The following OR2B6 variants were observed in gnomAD, a reference collection of about 807,000 sequenced individuals.
OR2B6 encodes olfactory receptor 2B6.
For synonymous variants in OR2B6, 130 were observed against 142.7 expected, an observed-to-expected ratio of 0.91 and a Z score of 0.63; for missense variants, 350 against 368.9, an observed-to-expected ratio of 0.95 and a Z score of 0.42.
Position 27,957,674 on chromosome 6 carries a change from C to T in OR2B6, c.434C>T (p.Ala145Val). Residue 145 changes from alanine (A) to valine (V), a missense_variant, in exon 1 of 1, where the codon GCA (alanine) becomes GTA (valine). By Grantham distance (64) the Ala-to-Val change is moderately conservative. Transcript: ENST00000244623. Reference protein sequence around the residue: ...IMHQRLCLQLAAASWVTGFSN... With the variant: ...IMHQRLCLQLVAASWVTGFSN... ...CACCAGAGACTCTGCCTCCAGTTGG[C>T]AGCTGCATCCTGGGTTACTGGTTTT... 1 of 1,614,066 alleles carries T rather than the reference C, an allele frequency of 6.2e-7. No individual in the cohort carries two copies. The highest frequency in any genetic ancestry group is 8.5e-7 in the Non-Finnish European group (1 of 1,179,994).
rs1406245494 is a variant in OR2B6, at chr6:27,958,114, C to T, written c.874C>T (p.Leu292Phe). Residue 292 changes from leucine (L) to phenylalanine (F), a missense_variant, in exon 1 of 1, where the codon CTT becomes TTT. Coordinates refer to ENST00000244623, the MANE Select transcript of OR2B6 (RefSeq NM_012367.1). Reference protein sequence around the residue: ...APMLNPLIYTLRNKEVKEGFK... With the variant: ...APMLNPLIYTFRNKEVKEGFK... ...CATGCTGAATCCCCTTATATATACA[C>T]TTAGGAACAAGGAGGTAAAGGAAGG... 4 of 1,613,738 alleles carry T rather than the reference C, an allele frequency of 2.5e-6. No homozygotes were observed. Among genetic ancestry groups the T allele is most frequent in the Admixed American group, 1.7e-5 (1 of 59,950 alleles).
Position 27,958,034 on chromosome 6 carries a change from C to T in OR2B6, c.794C>T (p.Pro265Leu). 3 of 1,613,952 alleles carry T rather than the reference C, an allele frequency of 1.9e-6. No individual in the cohort carries two copies. The highest frequency in any genetic ancestry group is 2.5e-6 in the Non-Finnish European group (3 of 1,179,948). Reference sequence around the variant, plus strand: ...TCTGTGTACCTGCAACCACCTTCGCCCAGCTCCAAGGACCAAGGAAAGATG... The same window carrying T: ...TCTGTGTACCTGCAACCACCTTCGCTCAGCTCCAAGGACCAAGGAAAGATG... ...AVSVYLQPPS[P>L]SSKDQGKMVS... Residue 265 changes from proline (P) to leucine (L), a missense_variant, in exon 1 of 1, where the codon CCC (proline) becomes CTC (leucine). Coordinates refer to ENST00000244623, the MANE Select transcript of OR2B6 (RefSeq NM_012367.1).
rs759984711 is a variant in OR2B6 at position 27,957,500 on chromosome 6, G to T, written c.260G>T (p.Ser87Ile). The change falls in exon 1 of 1, where the codon AGC (serine) becomes ATC (isoleucine). Residue 87 changes from serine (S) to isoleucine (I), a missense_variant. Transcript: ENST00000244623. ...TVPQMLVNLC[S>I]IRKVISYRGC... The stretch of plus-strand genomic sequence containing the variant: ...CCACAAATGCTAGTAAATTTATGCA[G>T]CATCAGGAAAGTAATCAGTTATCGT... 1.9e-6 allele frequency: 3 copies of T among 1,613,956 alleles called. No homozygotes were observed. The highest frequency in any genetic ancestry group is 2.7e-5 in the African/African-American group (2 of 74,898).
rs200780079 is a variant in OR2B6 at position 27,957,644 on chromosome 6, T to A, written c.404T>A (p.Ile135Asn). The part of the protein sequence containing the change: ...AICRPLHYSV[I>N]MHQRLCLQLA... ...TGTCGGCCTCTCCATTACTCAGTTA[T>A]CATGCACCAGAGACTCTGCCTCCAG... Residue 135 changes from isoleucine to asparagine, a missense_variant, in exon 1 of 1, where the codon ATC (isoleucine) becomes AAC (asparagine). Physicochemically the swap from Ile to Asn is moderately radical, Grantham distance 149. Transcript: ENST00000244623. 2.2e-4 allele frequency: 356 copies of A among 1,613,996 alleles called. No individual in the cohort carries two copies. The highest frequency in any genetic ancestry group is 8.0e-4 in the Admixed American group (48 of 59,984).
chr6:27,957,982 G>C lies in OR2B6; in HGVS notation c.742G>C (p.Val248Leu). 6.2e-7 allele frequency: 1 copy of C among 1,613,516 alleles called. No homozygotes were observed. Among genetic ancestry groups the C allele is most frequent in the Non-Finnish European group, 8.5e-7 (1 of 1,179,702 alleles). Residue 248 changes from valine (V) to leucine (L), a missense_variant, in exon 1 of 1, where the codon GTG (valine) becomes CTG (leucine). Transcript: ENST00000244623. ...GACATGTGGTTCCCATCTAATTGTG[G>C]TGTCTCTTTTTTATAGTACAGCCGT... Reference protein sequence around the residue: ...FGTCGSHLIVVSLFYSTAVSV... With the variant: ...FGTCGSHLIVLSLFYSTAVSV...
At position 27,957,319 on chromosome 6, in the gene OR2B6, C is replaced by A; in HGVS notation, c.79C>A (p.Leu27Ile). The A allele has an allele frequency of 6.2e-7, 1 of 1,613,778 alleles. No homozygotes were observed. The highest frequency in any genetic ancestry group is 1.7e-4 in the Middle Eastern group (1 of 6,058). Residue 27 changes from leucine to isoleucine, a missense_variant, in exon 1 of 1, where the codon CTC (leucine) becomes ATC (isoleucine). Transcript: ENST00000244623. ...AGATCGACCTTGGCTGGAGTTTCCA[C>A]TCCTTGTGGTCTTCTTGATTTCTTA... is the stretch of plus-strand genomic sequence containing the variant. ...FSDRPWLEFPLLVVFLISYTV... is the reference protein window; with the variant it reads ...FSDRPWLEFPILVVFLISYTV...
chr6:27,958,061 T>C lies in OR2B6; in HGVS notation c.821T>C (p.Val274Ala), dbSNP rs1220785654. ...AGCTCCAAGGACCAAGGAAAGATGGTTTCTCTCTTCTATGGAATCATTGCA... is the reference window on the plus strand; with the variant it reads ...AGCTCCAAGGACCAAGGAAAGATGGCTTCTCTCTTCTATGGAATCATTGCA... Reference protein sequence around the residue: ...SPSSKDQGKMVSLFYGIIAPM... With the variant: ...SPSSKDQGKMASLFYGIIAPM... The change falls in exon 1 of 1, where the codon GTT becomes GCT. Residue 274 changes from valine to alanine, a missense_variant. Coordinates refer to ENST00000244623, the MANE Select transcript of OR2B6 (RefSeq NM_012367.1). 1.2e-6 allele frequency: 2 copies of C among 1,614,030 alleles called. No homozygotes were observed. The highest frequency in any genetic ancestry group is 1.7e-6 in the Non-Finnish European group (2 of 1,179,940).
Position 27,957,607 on chromosome 6 carries a change from T to G in OR2B6, c.367T>G (p.Phe123Val), listed in dbSNP as rs763499780. The G allele has an allele frequency of 6.2e-7, 1 of 1,613,962 alleles. No homozygotes were observed. Among genetic ancestry groups the G allele is most frequent in the Non-Finnish European group, 8.5e-7 (1 of 1,179,944 alleles). The change falls in exon 1 of 1, where the codon TTT becomes GTT. Residue 123 changes from phenylalanine (F) to valine (V), a missense_variant. Physicochemically the swap from Phe to Val is conservative, Grantham distance 50 (BLOSUM62 -1). Coordinates refer to ENST00000244623, the MANE Select transcript of OR2B6 (RefSeq NM_012367.1). The stretch of plus-strand genomic sequence containing the variant: ...CCTGGCCGTCATGTCCTTTGATAGG[T>G]TTGTAGCTATTTGTCGGCCTCTCCA... ...LLLAVMSFDR[F>V]VAICRPLHYS...
In OR2B6 at chr6:27,957,373, A is replaced by G; in HGVS notation, c.133A>G (p.Ile45Val). Reference sequence around the variant, plus strand: ...TGTGACCATCTTTGGCAATCTGACCATTATTCTAGTGTCACGCCTGGACAC... The same window carrying G: ...TGTGACCATCTTTGGCAATCTGACCGTTATTCTAGTGTCACGCCTGGACAC... ...YTVTIFGNLT[I>V]ILVSRLDTKL... The change falls in exon 1 of 1, where the codon ATT (isoleucine) becomes GTT (valine). Residue 45 changes from isoleucine (I) to valine (V), a missense_variant. Transcript: ENST00000244623. 1.2e-6 allele frequency: 2 copies of G among 1,614,032 alleles called. No individual in the cohort carries two copies. The highest frequency in any genetic ancestry group is 8.5e-7 in the Non-Finnish European group (1 of 1,179,960).
In OR2B6 at chr6:27,957,530, G is replaced by A. The variant is rs753362830; in HGVS notation, c.290G>A (p.Cys97Tyr). Residue 97 changes from cysteine (C) to tyrosine (Y), a missense_variant, in exon 1 of 1, where the codon TGT (cysteine) becomes TAT (tyrosine). Coordinates refer to ENST00000244623, the MANE Select transcript of OR2B6 (RefSeq NM_012367.1). ...SIRKVISYRGCVAQLFIFLAL... is the reference protein window; with the variant it reads ...SIRKVISYRGYVAQLFIFLAL... ...AGGAAAGTAATCAGTTATCGTGGCT[G>A]TGTAGCCCAGCTTTTCATATTTCTG... is the stretch of plus-strand genomic sequence containing the variant. The A allele has an allele frequency of 6.2e-6, 10 of 1,614,016 alleles. No homozygotes were observed. Among genetic ancestry groups the A allele is most frequent in the African/African-American group, 2.7e-5 (2 of 74,904 alleles).
chr6:27,957,468 T>C lies in OR2B6; in HGVS notation c.228T>C (p.Cys76=). The change falls in exon 1 of 1, where the codon TGT becomes TGC. Residue 76 remains cysteine (C), a synonymous_variant. Coordinates refer to ENST00000244623, the MANE Select transcript of OR2B6 (RefSeq NM_012367.1). ...LSLLDLCYTT[C]TVPQMLVNLC... ...TCCTGGATCTTTGTTACACCACATG[T>C]ACAGTCCCACAAATGCTAGTAAATT... The C allele has an allele frequency of 6.2e-7, 1 of 1,614,094 alleles. No individual in the cohort carries two copies. Among genetic ancestry groups the C allele is most frequent in the Non-Finnish European group, 8.5e-7 (1 of 1,179,972 alleles).
rs1762771186 is a variant in OR2B6 at position 27,958,129 on chromosome 6, G to A, written c.889G>A (p.Val297Ile). 8 of 1,613,594 alleles carry A rather than the reference G, an allele frequency of 5.0e-6. No homozygotes were observed. Among genetic ancestry groups the A allele is most frequent in the Non-Finnish European group, 6.8e-6 (8 of 1,179,724 alleles). ...TATATATACACTTAGGAACAAGGAG[G>A]TAAAGGAAGGCTTTAAAAGGTTGGT... ...PLIYTLRNKE[V>I]KEGFKRLVAR... Residue 297 changes from valine to isoleucine, a missense_variant, in exon 1 of 1, where the codon GTA becomes ATA. Transcript: ENST00000244623.
In OR2B6 at chr6:27,957,424, T is replaced by C. The variant is rs1363994352; in HGVS notation, c.184T>C (p.Phe62Leu). The change falls in exon 1 of 1, where the codon TTT (phenylalanine) becomes CTT (leucine). Residue 62 changes from phenylalanine to leucine, a missense_variant. By Grantham distance (22) the Phe-to-Leu change is conservative (BLOSUM62 0). Transcript: ENST00000244623. ...CAAACTTCATACCCCCATGTATTTT[T>C]TTCTTACCAATCTATCACTCCTGGA... ...DTKLHTPMYF[F>L]LTNLSLLDLC... The C allele has an allele frequency of 5.6e-6, 9 of 1,614,040 alleles. No homozygotes were observed. In the African/African-American group the frequency reaches 1.1e-4, roughly 19 times the overall value.
rs1490987603 is a variant in OR2B6, at chr6:27,958,174, A to T, written c.934A>T (p.Lys312Ter). 2 of 1,606,240 alleles carry T rather than the reference A, an allele frequency of 1.2e-6. No individual in the cohort carries two copies. The highest frequency in any genetic ancestry group is 1.7e-6 in the Non-Finnish European group (2 of 1,173,776). The change falls in exon 1 of 1, where the codon AAG (lysine) becomes TAG (stop). Residue 312 changes from lysine to a stop codon, truncating the protein, a stop_gained. Transcript: ENST00000244623. LOFTEE classifies it high-confidence loss of function. ...GTTGGTTGCAAGAGTCTTCTTAATCAAGAAATAAGAAATATGCAAATGATA... is the reference window on the plus strand; with the variant it reads ...GTTGGTTGCAAGAGTCTTCTTAATCTAGAAATAAGAAATATGCAAATGATA... ...KRLVARVFLI[K>*]K
chr6:27,957,435 T>A lies in OR2B6; in HGVS notation c.195T>A (p.Asn65Lys), dbSNP rs778618657. ...LHTPMYFFLT[N>K]LSLLDLCYTT... ...CCCCCATGTATTTTTTTCTTACCAA[T>A]CTATCACTCCTGGATCTTTGTTACA... Residue 65 changes from asparagine (N) to lysine (K), a missense_variant, in exon 1 of 1, where the codon AAT (asparagine) becomes AAA (lysine). Coordinates refer to ENST00000244623, the MANE Select transcript of OR2B6 (RefSeq NM_012367.1). 4 of 1,614,130 alleles carry A rather than the reference T, an allele frequency of 2.5e-6. No homozygotes were observed. In the South Asian group the frequency reaches 4.4e-5, roughly 18 times the overall value.
At position 27,957,713 on chromosome 6, in the gene OR2B6, GGTT is replaced by G. The variant is rs756259137; in HGVS notation, c.476_478del (p.Leu159del). The G allele has an allele frequency of 1.9e-6, 3 of 1,613,896 alleles. No homozygotes were observed. Among genetic ancestry groups the G allele is most frequent in the Non-Finnish European group, 1.7e-6 (2 of 1,179,882 alleles). ...GTTACTGGTTTTAGTAACTCAGTGTGGTTGTCTACCCTGACTCTCCAGCTGCCA... is the reference window on the plus strand; with the variant it reads ...GTTACTGGTTTTAGTAACTCAGTGTGGTCTACCCTGACTCTCCAGCTGCCA... On this transcript the variant is annotated inframe_deletion, in exon 1 of 1. Coordinates refer to ENST00000244623, the MANE Select transcript of OR2B6 (RefSeq NM_012367.1).
In OR2B6 at chr6:27,958,153, G is replaced by A. The variant is rs1159174135; in HGVS notation, c.913G>A (p.Val305Ile). ...KEVKEGFKRL[V>I]ARVFLIKK Reference sequence around the variant, plus strand: ...GGTAAAGGAAGGCTTTAAAAGGTTGGTTGCAAGAGTCTTCTTAATCAAGAA... The same window carrying A: ...GGTAAAGGAAGGCTTTAAAAGGTTGATTGCAAGAGTCTTCTTAATCAAGAA... The change falls in exon 1 of 1, where the codon GTT (valine) becomes ATT (isoleucine). Residue 305 changes from valine to isoleucine, a missense_variant. Coordinates refer to ENST00000244623, the MANE Select transcript of OR2B6 (RefSeq NM_012367.1). The A allele has an allele frequency of 4.3e-6, 7 of 1,612,620 alleles. No individual in the cohort carries two copies. The highest frequency in any genetic ancestry group is 3.3e-5 in the South Asian group (3 of 90,866).
At position 27,957,644 on chromosome 6, in the gene OR2B6, T is replaced by C. The variant is rs200780079; in HGVS notation, c.404T>C (p.Ile135Thr). The change falls in exon 1 of 1, where the codon ATC (isoleucine) becomes ACC (threonine). Residue 135 changes from isoleucine (I) to threonine (T), a missense_variant. Physicochemically the swap from Ile to Thr is moderately conservative, Grantham distance 89. Coordinates refer to ENST00000244623, the MANE Select transcript of OR2B6 (RefSeq NM_012367.1). ...AICRPLHYSVIMHQRLCLQLA... is the reference protein window; with the variant it reads ...AICRPLHYSVTMHQRLCLQLA... ...TGTCGGCCTCTCCATTACTCAGTTA[T>C]CATGCACCAGAGACTCTGCCTCCAG... is the stretch of plus-strand genomic sequence containing the variant. 3 of 1,614,114 alleles carry C rather than the reference T, an allele frequency of 1.9e-6. No homozygotes were observed. In the South Asian group the frequency reaches 3.3e-5, roughly 18 times the overall value.
Position 27,958,177 on chromosome 6 carries a change from A to C in OR2B6, c.937A>C (p.Lys313Gln). Residue 313 changes from lysine (K) to glutamine (Q), a missense_variant, in exon 1 of 1, where the codon AAA becomes CAA. Physicochemically the swap from Lys to Gln is moderately conservative, Grantham distance 53. Coordinates refer to ENST00000244623, the MANE Select transcript of OR2B6 (RefSeq NM_012367.1). ...GGTTGCAAGAGTCTTCTTAATCAAG[A>C]AATAAGAAATATGCAAATGATAAGC... ...RLVARVFLIK[K>Q] 3.1e-6 allele frequency: 5 copies of C among 1,606,714 alleles called. No homozygotes were observed. Among genetic ancestry groups the C allele is most frequent in the Non-Finnish European group, 4.3e-6 (5 of 1,174,070 alleles).
Sources: allele counts gnomAD v4.1 joint callset, GRCh38; gene constraint gnomAD v4.1.1; transcripts MANE v1.5; gene names NCBI Gene and HGNC (gene_info 2026-07-23, HGNC 2026-07-21).